UBE2E2: variants seen among roughly 807,000 people sequenced by gnomAD.
The protein encoded by UBE2E2 is ubiquitin conjugating enzyme E2 E2.
Under a neutral mutation model 24.7 loss-of-function variants are expected in UBE2E2, and 6 were observed. That is an observed-to-expected ratio of 0.24 (90% CI 0.13 to 0.48). The LOEUF is 0.48. Ranked by LOEUF, UBE2E2 falls within the 20% of genes least tolerant of loss-of-function variation. The pLI, the probability that UBE2E2 is intolerant of heterozygous loss-of-function variation, is 0.99. For missense variants in UBE2E2, 169 were observed against 245.0 expected (o/e 0.69, Z 2.07); for synonymous variants, 104 against 83.6 (o/e 1.24, Z -1.33).
At chr3:23,327,094 T>G (rs1694911233) in intron 3 of UBE2E2, among the ~76,000 whole-genome samples, 1 of 152,222 alleles carries the variant, frequency 6.6e-6, no homozygotes, top group Middle Eastern at 3.2e-3. Flanking sequence ...TTGGGTTGGT[T>G]CCAAGTCTTT....
intron 5 of UBE2E2, among the ~76,000 whole-genome samples, chr3:23,541,400 C>CTTTTTT: frequency 6.6e-6 from 1 of 152,204 alleles, no homozygotes; most frequent in Non-Finnish European, 1.5e-5. Flanking sequence ...ACTACTTTCT[C>CTTTTTT]TTTTTCTTCT....
intron 3 of UBE2E2, among the ~76,000 whole-genome samples, chr3:23,494,738 T>C (rs1699569000): frequency 1.3e-5 from 2 of 151,086 alleles, no homozygotes; most frequent in Non-Finnish European, 3.0e-5. Flanking sequence ...GCTTTTTTCT[T>C]TTTTTTTTGA....
At chr3:23,480,921 G>C (rs1484677126) in intron 3 of UBE2E2, among the ~76,000 whole-genome samples, 1 of 152,160 alleles carries the variant, frequency 6.6e-6, no homozygotes, top group Non-Finnish European at 1.5e-5. Flanking sequence ...TGCCTTCTTT[G>C]ATTTAGGGGG....
At chr3:23,412,265 G>T (rs1376014666) in intron 3 of UBE2E2, among the ~76,000 whole-genome samples, 2 of 152,050 alleles carry the variant, frequency 1.3e-5, no homozygotes, top group Non-Finnish European at 2.9e-5. Flanking sequence ...AAACGTATTT[G>T]TGTTTTTAAA....
chr3:23,281,879 ATTGT>A (rs1698498479), intron 3 of UBE2E2, among the ~76,000 whole-genome samples: 2 of 152,204 alleles, frequency 1.3e-5, no homozygotes, highest in Admixed American at 6.5e-5. Flanking sequence ...GAGTAGGTTT[ATTGT>A]TTGTTTATGA....
chr3:23,226,584 T>C (rs1419810751), intron 3 of UBE2E2, among the ~76,000 whole-genome samples: 1 of 152,090 alleles, frequency 6.6e-6, no homozygotes, highest in Non-Finnish European at 1.5e-5. Context: ...CTTTGAAGAA[T>C]GGGTGGGATT....
chr3:23,229,229 C>T (rs990888424), intron 3 of UBE2E2, among the ~76,000 whole-genome samples: 1 of 152,096 alleles, frequency 6.6e-6, no homozygotes, highest in African/African-American at 2.4e-5. Flanking sequence ...AATGCTTTAC[C>T]AGCATTATCT....
rs1056084108 is a variant in UBE2E2, at chr3:23,266,747, A to G, written c.227+49435A>G. Among the ~76,000 whole-genome samples, 4 of 152,302 alleles carry G rather than the reference A, an allele frequency of 2.6e-5. No homozygotes were observed. The South Asian group carries it at 6.2e-4, about 24-fold the overall frequency. ...ACTCTCCACCCCAAATCAACAGAATATACATTCTTTTCAGCAGCACACCAC... is the reference window on the plus strand; with the variant it reads ...ACTCTCCACCCCAAATCAACAGAATGTACATTCTTTTCAGCAGCACACCAC... On this transcript the variant is annotated intron_variant, in intron 3 of 5. Coordinates refer to ENST00000396703, the MANE Select transcript of UBE2E2 (RefSeq NM_152653.4).
At position 23,426,800 on chromosome 3, in the gene UBE2E2, G is replaced by A. The variant is rs144549319; in HGVS notation, c.228-72808G>A. Among the ~76,000 whole-genome samples the A allele has an allele frequency of 2.3e-3, 347 of 152,228 alleles. 3 individuals carry two copies. Among genetic ancestry groups the A allele is most frequent in the African/African-American group, 8.0e-3 (331 of 41,554 alleles). On this transcript the variant is annotated intron_variant, in intron 3 of 5. Transcript: ENST00000396703. ...AAAACTGGGATCTCCATTAAAAAAG[G>A]AAGAACATCACAGAAGGGATAAGTA...
chr3:23,482,445 C>T (rs960727371), intron 3 of UBE2E2, among the ~76,000 whole-genome samples: 2 of 152,092 alleles, frequency 1.3e-5, no homozygotes, highest in African/African-American at 4.8e-5. Flanking sequence ...GCTACACCTC[C>T]ACCAAGAGCC....
chr3:23,397,824 C>T (rs1697115281), intron 3 of UBE2E2, among the ~76,000 whole-genome samples: 1 of 152,052 alleles, frequency 6.6e-6, no homozygotes, highest in African/African-American at 2.4e-5. Context: ...CCAGGAGATG[C>T]CTGTTTCTTT....
At chr3:23,437,621 G>A (rs932541057) in intron 3 of UBE2E2, among the ~76,000 whole-genome samples, 3 of 152,280 alleles carry the variant, frequency 2.0e-5, no homozygotes, top group Non-Finnish European at 2.9e-5. Flanking sequence ...GAGGAATGCC[G>A]GAGGCCCTGA....
chr3:23,331,279 T>C (rs1695051414), intron 3 of UBE2E2, among the ~76,000 whole-genome samples: 1 of 152,210 alleles, frequency 6.6e-6, no homozygotes, highest in Non-Finnish European at 1.5e-5. Context: ...CAGATATTTG[T>C]TCAGTACCTG....
At chr3:23,364,148 C>T (rs1399683205) in intron 3 of UBE2E2, among the ~76,000 whole-genome samples, 1 of 151,952 alleles carries the variant, frequency 6.6e-6, no homozygotes, top group South Asian at 2.1e-4. Context: ...CACTAAACAC[C>T]CAGAGAAACG....
intron 3 of UBE2E2, among the ~76,000 whole-genome samples, chr3:23,488,850 G>C (rs571322625): frequency 6.6e-6 from 1 of 152,286 alleles, no homozygotes; most frequent in South Asian, 2.1e-4. Flanking sequence ...ATAGGCCCAA[G>C]TGTTCTTACA....
At chr3:23,204,257 G>A (rs1476741238) in intron 1 of UBE2E2, among the ~76,000 whole-genome samples, 1 of 150,736 alleles carries the variant, frequency 6.6e-6, no homozygotes, top group East Asian at 1.9e-4. Flanking sequence ...TTTCCCCCAC[G>A]ACCAACCAGA....
chr3:23,365,029 C>T (rs990396410), intron 3 of UBE2E2, among the ~76,000 whole-genome samples: 6 of 152,052 alleles, frequency 3.9e-5, no homozygotes, highest in African/African-American at 1.4e-4. Context: ...TCACATGATC[C>T]TCTAAATAGA....
chr3:23,347,253 CAT>C (rs1400568768), intron 3 of UBE2E2, among the ~76,000 whole-genome samples: 1 of 152,208 alleles, frequency 6.6e-6, no homozygotes, highest in Non-Finnish European at 1.5e-5. Flanking sequence ...CACATGCACA[CAT>C]ATGTTTATTG....
chr3:23,527,840 T>C (rs1376678520), intron 4 of UBE2E2, among the ~76,000 whole-genome samples: 1 of 151,640 alleles, frequency 6.6e-6, no homozygotes. Flanking sequence ...CCACCCCTTA[T>C]GGCTCGTACC....
Sources: allele counts gnomAD v4.1 joint callset (sites outside exome capture counted in the v4.1 genomes callset), GRCh38; gene constraint gnomAD v4.1.1; transcripts MANE v1.5; gene names NCBI Gene and HGNC (gene_info 2026-07-23, HGNC 2026-07-21).